EHMT1: variants seen among roughly 807,000 people sequenced by gnomAD.
EHMT1 encodes histone-lysine N-methyltransferase EHMT1.
A neutral mutation model predicts 147.2 loss-of-function variants in EHMT1; 15 were observed. The observed-to-expected ratio is 0.10, with a 90% CI of 0.07 to 0.16. The LOEUF (loss-of-function observed/expected upper bound fraction) is 0.16. EHMT1 is among the 10% of genes least tolerant of loss of function. The probability of loss-of-function intolerance (pLI) is 1.00; values close to 1 mark genes in which losing one functional copy is unlikely to be tolerated. For missense variants in EHMT1, 1,587 were observed against 1,772.4 expected (o/e 0.90, Z 1.88); for synonymous variants, 795 against 709.6 (o/e 1.12, Z -1.91).
chr9:137,662,491 G>A (rs1012481996), intron 1 of EHMT1, among the ~76,000 whole-genome samples: 9 of 151,938 alleles, frequency 5.9e-5, no homozygotes, highest in African/African-American at 2.2e-4. Flanking sequence ...GTGAGGCATC[G>A]CACCTTGCCT....
intron 1 of EHMT1, among the ~76,000 whole-genome samples, chr9:137,621,909 TA>T (rs745823672): frequency 3.8e-4 from 56 of 147,418 alleles, no homozygotes; most frequent in East Asian, 2.0e-3. Flanking sequence ...CTAAAACCCT[TA>T]AAAAAAAAAG....
intron 1 of EHMT1, among the ~76,000 whole-genome samples, chr9:137,636,010 C>T (rs932477942): frequency 6.6e-6 from 1 of 151,246 alleles, no homozygotes; most frequent in Non-Finnish European, 1.5e-5. Flanking sequence ...CAACCTCCGC[C>T]TCCTGGGTTC....
chr9:137,801,799 A>G (rs926957728), intron 18 of EHMT1, among the ~76,000 whole-genome samples: 4 of 151,842 alleles, frequency 2.6e-5, no homozygotes, highest in African/African-American at 9.7e-5. Flanking sequence ...CGCCCGGCCA[A>G]TTTTTGTAGT....
In EHMT1 at chr9:137,743,373, T is replaced by C. The variant is rs2136052224; in HGVS notation, c.826T>C (p.Cys276Arg). Residue 276 changes from cysteine (C) to arginine (R), a missense_variant and splice_region_variant, in exon 5 of 27, where the codon TGC becomes CGC. By Grantham distance (180) the Cys-to-Arg change is radical. Transcript: ENST00000460843. Reference protein sequence around the residue: ...YMATTKSQTACLPFVLAAAVS... With the variant: ...YMATTKSQTARLPFVLAAAVS... Reference sequence around the variant, plus strand: ...TTGACTTTTTTTTTTTTTTTTAGCTTGCTTGCCTTTTGTTTTAGCAGCTGC... The same window carrying C: ...TTGACTTTTTTTTTTTTTTTTAGCTCGCTTGCCTTTTGTTTTAGCAGCTGC... The C allele has an allele frequency of 6.3e-7, 1 of 1,596,936 alleles. No individual in the cohort carries two copies.
chr9:137,678,773 C>CT (rs1215225021), intron 1 of EHMT1, among the ~76,000 whole-genome samples: 2 of 131,068 alleles, frequency 1.5e-5, no homozygotes. Context: ...TGTGATCTGT[C>CT]TATCTGACGA....
chr9:137,630,758 C>A (rs2133604413), intron 1 of EHMT1, among the ~76,000 whole-genome samples: 1 of 152,140 alleles, frequency 6.6e-6, no homozygotes, highest in Non-Finnish European at 1.5e-5. Flanking sequence ...GTTTCCTCGA[C>A]TGTGATTTGG....
At chr9:137,762,566 T>C (rs1338699149) in intron 9 of EHMT1, 109 bp from the exon 10 acceptor site, 1 of 1,570,578 alleles carries the variant, frequency 6.4e-7, no homozygotes, top group Non-Finnish European at 8.6e-7. Flanking sequence ...ACCGCATTGC[T>C]TTCATTTCCT....
intron 21 of EHMT1, 140 bp from the exon 22 acceptor site, chr9:137,814,291 A>C (rs1954749529): frequency 1.1e-6 from 1 of 874,396 alleles, no homozygotes; most frequent in African/African-American, 1.6e-5. Context: ...TCTCCCTAAG[A>C]GGCCACACAC....
intron 23 of EHMT1, chr9:137,817,200 C>G: frequency 1.7e-6 from 1 of 596,992 alleles, no homozygotes. Context: ...CGAGCCACGG[C>G]CAGGACCAGT....
At chr9:137,789,169 C>T (rs975163025) in intron 15 of EHMT1, 12 of 152,390 alleles carry the variant, frequency 7.9e-5, no homozygotes, top group African/African-American at 2.4e-4. Context: ...TCCTGTGGGC[C>T]GCCGAGAGCT....
In EHMT1 at chr9:137,627,781, A is replaced by G. The variant is rs548086535; in HGVS notation, c.21+8732A>G. The stretch of plus-strand genomic sequence containing the variant: ...AGTGGTGTGATCTCGGCTCACTGCA[A>G]CCTCTGCCTCCTGGGTTCAAGCAAT... On this transcript the variant is annotated intron_variant, in intron 1 of 26. Coordinates refer to ENST00000460843, the MANE Select transcript of EHMT1 (RefSeq NM_024757.5). Among the ~76,000 whole-genome samples the G allele has an allele frequency of 1.9e-3, 285 of 148,432 alleles. 4 individuals are homozygous for G. The highest frequency in any genetic ancestry group is 2.8e-3 in the Non-Finnish European group (189 of 66,868).
chr9:137,832,090 C>G (rs1476367131), intron 25 of EHMT1, among the ~76,000 whole-genome samples: 2 of 150,626 alleles, frequency 1.3e-5, no homozygotes. Context: ...GGCCGCTGCA[C>G]TTCGCCCCAG....
chr9:137,683,648 G>A (rs1480192291), intron 1 of EHMT1, among the ~76,000 whole-genome samples: 1 of 152,150 alleles, frequency 6.6e-6, no homozygotes, highest in Non-Finnish European at 1.5e-5. Context: ...AGTATGTGTA[G>A]TATCTCATTT....
At chr9:137,628,645 A>G (rs1843420278) in intron 1 of EHMT1, among the ~76,000 whole-genome samples, 3 of 152,184 alleles carry the variant, frequency 2.0e-5, no homozygotes. Context: ...CAGCTGTCCT[A>G]TGAAAAGGGC....
intron 25 of EHMT1, among the ~76,000 whole-genome samples, chr9:137,823,738 A>G (rs898270530): frequency 3.3e-5 from 5 of 151,610 alleles, no homozygotes; most frequent in African/African-American, 1.2e-4. Flanking sequence ...TTATATTTTT[A>G]GTAGAGACGA....
At chr9:137,763,126 A>C in intron 10 of EHMT1, 1 of 576,574 alleles carries the variant, frequency 1.7e-6, no homozygotes, top group Non-Finnish European at 3.1e-6. Flanking sequence ...GCTATAAACA[A>C]AGTGAGTAGA....
At chr9:137,807,463 C>T (rs950142063) in intron 18 of EHMT1, among the ~76,000 whole-genome samples, 5 of 147,910 alleles carry the variant, frequency 3.4e-5, no homozygotes, top group African/African-American at 1.3e-4. Context: ...ACAGTTATAC[C>T]AATGGCTTTA....
At chr9:137,754,866 A>G (rs913861593) in intron 8 of EHMT1, among the ~76,000 whole-genome samples, 1 of 152,190 alleles carries the variant, frequency 6.6e-6, no homozygotes, top group Non-Finnish European at 1.5e-5. Flanking sequence ...TGCTGCCCGC[A>G]TGGGTGACTG....
intron 1 of EHMT1, among the ~76,000 whole-genome samples, chr9:137,622,976 T>C (rs2133446754): frequency 6.6e-6 from 1 of 150,384 alleles, no homozygotes; most frequent in African/African-American, 2.4e-5. Context: ...TTTGGGAGGC[T>C]GAGGTGGGTG....
Sources: allele counts gnomAD v4.1 joint callset (sites outside exome capture counted in the v4.1 genomes callset), GRCh38; gene constraint gnomAD v4.1.1; transcripts MANE v1.5; gene names NCBI Gene and HGNC (gene_info 2026-07-23, HGNC 2026-07-21).